CCDC102A: variants seen among roughly 807,000 people sequenced by gnomAD.
CCDC102A encodes coiled-coil domain-containing protein 102A.
A neutral mutation model predicts 55.5 loss-of-function variants in CCDC102A; 40 were observed. The ratio of observed to expected loss-of-function variants is 0.72; its 90% CI spans 0.56 to 0.94. The LOEUF is 0.94. Among genes scored for constraint, CCDC102A ranks in the 40% least tolerant of loss-of-function variants. CCDC102A has a pLI of 0.00. For synonymous variants in CCDC102A, 323 were observed against 339.0 expected (o/e 0.95, Z 0.52); for missense variants, 779 against 768.6 (o/e 1.01, Z -0.16).
intron 8 of CCDC102A, 87 bp downstream of exon 8, chr16:57,515,254 C>T: frequency 1.2e-6 from 1 of 837,264 alleles, no homozygotes; most frequent in East Asian, 2.7e-5. Flanking sequence ...GTCTCCCCCT[C>T]CAGCCTTGGT....
At chr16:57,515,265 T>C (rs923109168) in intron 8 of CCDC102A, 76 bp downstream of exon 8, 24 of 921,634 alleles carry the variant, frequency 2.6e-5, no homozygotes, top group East Asian at 1.3e-4. Flanking sequence ...CAGCCTTGGT[T>C]TGGGCTCCGT....
intron 4 of CCDC102A, among the ~76,000 whole-genome samples, chr16:57,519,543 G>A (rs1435453229): frequency 6.6e-6 from 1 of 152,164 alleles, no homozygotes; most frequent in Admixed American, 6.5e-5. Context: ...CATTTCTTGC[G>A]GTATACAGCA....
intron 2 of CCDC102A, 126 bp downstream of exon 2, chr16:57,528,467 A>C: frequency 1.5e-6 from 1 of 650,944 alleles, no homozygotes; most frequent in Non-Finnish European, 2.0e-6. Context: ...GTAGAACCCG[A>C]CCTGGAGAAG....
In CCDC102A at chr16:57,512,519, C is replaced by T. The variant is rs866038512; in HGVS notation, c.*222G>A. 339 of 463,080 alleles carry T rather than the reference C, an allele frequency of 7.3e-4. No individual in the cohort carries two copies. Among genetic ancestry groups the T allele is most frequent in the Middle Eastern group, 2.8e-3 (5 of 1,800 alleles). The allele number at this position is 463,080 out of a possible 1,614,324, so 28.7% of individuals were successfully genotyped here. On this transcript the variant is annotated 3_prime_UTR_variant, in exon 9 of 9. Transcript: ENST00000258214. ...GTCCAAAGACTTCTGGGTGTGCGCG[C>T]GCGCGCGCGCGTGTGTGTATATATA...
At chr16:57,521,199 G>A in intron 3 of CCDC102A, 23 bp from the exon 4 acceptor site, 1 of 1,581,440 alleles carries the variant, frequency 6.3e-7, no homozygotes, top group Non-Finnish European at 8.7e-7. Flanking sequence ...CAGACATGGG[G>A]GTGAGCCCAC....
intron 3 of CCDC102A, among the ~76,000 whole-genome samples, chr16:57,524,721 T>TA (rs35357678): frequency 0.31 from 47,719 of 151,952 alleles, 9,272 homozygotes; most frequent in African/African-American, 0.56. Context: ...ATTGATTTTT[T>TA]AAAAAGGAGT....
intron 4 of CCDC102A, among the ~76,000 whole-genome samples, chr16:57,520,808 C>T (rs1272860377): frequency 3.3e-5 from 5 of 151,296 alleles, no homozygotes; most frequent in Admixed American, 6.6e-5. Flanking sequence ...GGCGTGGTGG[C>T]GGGTGCCTGT....
At chr16:57,525,818 G>A (rs1021421182) in intron 3 of CCDC102A, 83 bp downstream of exon 3, 5 of 1,239,280 alleles carry the variant, frequency 4.0e-6, no homozygotes, top group Admixed American at 2.1e-5. Context: ...TGTCATCTTC[G>A]TGAGTCTAAT....
chr16:57,534,775 G>C (rs1340362983), intron 1 of CCDC102A, among the ~76,000 whole-genome samples: 1 of 152,204 alleles, frequency 6.6e-6, no homozygotes, highest in Admixed American at 6.5e-5. Context: ...GCCAGGCTCT[G>C]AGACAGGTAG....
At chr16:57,527,294 G>A (rs1285373328) in intron 2 of CCDC102A, among the ~76,000 whole-genome samples, 1 of 152,202 alleles carries the variant, frequency 6.6e-6, no homozygotes, top group East Asian at 1.9e-4. Context: ...TGGCTCAGGA[G>A]AGGGTGCCCT....
At chr16:57,519,130 G>T (rs1420586374) in intron 4 of CCDC102A, among the ~76,000 whole-genome samples, 1 of 151,964 alleles carries the variant, frequency 6.6e-6, no homozygotes, top group Non-Finnish European at 1.5e-5. Context: ...TGCACGATTG[G>T]ACACCTACCC....
At chr16:57,513,598 A>G (rs1447499740) in intron 8 of CCDC102A, among the ~76,000 whole-genome samples, 3 of 152,252 alleles carry the variant, frequency 2.0e-5, no homozygotes, top group Admixed American at 1.3e-4. Context: ...CCCCGATGGA[A>G]GCACTTGAGA....
At chr16:57,525,866 C>T in intron 3 of CCDC102A, 35 bp downstream of exon 3, 1 of 1,595,316 alleles carries the variant, frequency 6.3e-7, no homozygotes, top group Middle Eastern at 1.7e-4. Context: ...ACGGCCTGGC[C>T]CTGGCCCTGC....
At chr16:57,518,593 C>T (rs764955573) in intron 5 of CCDC102A, 32 bp downstream of exon 5, 1 of 1,557,136 alleles carries the variant, frequency 6.4e-7, no homozygotes, top group Non-Finnish European at 8.8e-7. Flanking sequence ...CCCCTAAACC[C>T]AGGTCCTCCT....
Position 57,516,475 on chromosome 16 carries a change from A to G in CCDC102A, c.1249-12T>C, listed in dbSNP as rs1253184793. On this transcript the variant is annotated splice_polypyrimidine_tract_variant and intron_variant, in intron 6 of 8. Transcript: ENST00000258214. The surrounding 1 kb of genome is among the most constrained non-coding windows in gnomAD (Gnocchi z 4.4). ...AGGTCTGCCAGCTCCTACAGGGCACAGGGATGGGGTGGGAGGGAGGAGGGA... is the reference window on the plus strand; with the variant it reads ...AGGTCTGCCAGCTCCTACAGGGCACGGGGATGGGGTGGGAGGGAGGAGGGA... The G allele has an allele frequency of 3.5e-6, 4 of 1,127,074 alleles. No homozygotes were observed. The highest frequency in any genetic ancestry group is 5.1e-6 in the Non-Finnish European group (4 of 781,596). 69.8% of individuals were successfully genotyped at this position (1,127,074 alleles called of 1,614,324 possible). A position where few individuals can be genotyped will look rare whatever the true frequency, so the allele number is the denominator to read the frequency against.
At position 57,516,434 on chromosome 16, in the gene CCDC102A, G is replaced by C. The variant is rs775488058; in HGVS notation, c.1278C>G (p.Gly426=). Residue 426 remains glycine, a synonymous_variant, in exon 7 of 9, where the codon GGC becomes GGG. Coordinates refer to ENST00000258214, the MANE Select transcript of CCDC102A (RefSeq NM_033212.4). This position sits in a 1 kb window ranked among gnomAD's most constrained non-coding sequence, Gnocchi z 4.4. The part of the protein sequence containing the change: ...KELADLKHVH[G]KLKKQFQEKV... ...TCTCCTGGAACTGCTTCTTCAGCTT[G>C]CCATGCACATGCTTCAGGTCTGCCA... The C allele has an allele frequency of 5.0e-6, 8 of 1,608,750 alleles. No individual in the cohort carries two copies. Among genetic ancestry groups the C allele is most frequent in the Non-Finnish European group, 5.9e-6 (7 of 1,179,962 alleles).
At chr16:57,518,348 G>A (rs555097631) in intron 5 of CCDC102A, 71 bp from the exon 6 acceptor site, 69 of 1,432,506 alleles carry the variant, frequency 4.8e-5, no homozygotes, top group Non-Finnish European at 3.8e-5. Context: ...GGATGCCCCC[G>A]CCACCTCCTG....
intron 3 of CCDC102A, among the ~76,000 whole-genome samples, chr16:57,522,579 C>A (rs1431643619): frequency 6.6e-6 from 1 of 152,214 alleles, no homozygotes; most frequent in East Asian, 1.9e-4. Flanking sequence ...CAGAACTTTA[C>A]CAAAGGCTGT....
chr16:57,514,724 T>A (rs2031922996), intron 8 of CCDC102A, among the ~76,000 whole-genome samples: 1 of 152,164 alleles, frequency 6.6e-6, no homozygotes, highest in South Asian at 2.1e-4. Flanking sequence ...TGCAACTAAG[T>A]GCATTCTCAG....
Sources: allele counts gnomAD v4.1 joint callset (sites outside exome capture counted in the v4.1 genomes callset), GRCh38; gene constraint gnomAD v4.1.1; non-coding constraint Gnocchi (gnomAD v3.1); transcripts MANE v1.5; gene names NCBI Gene and HGNC (gene_info 2026-07-23, HGNC 2026-07-21).